Variants in MTUS1 observed in about 807,000 individuals in gnomAD.
The protein encoded by MTUS1 is microtubule associated scaffold protein 1, also known as microtubule-associated tumor suppressor 1.
A neutral mutation model predicts 120.8 loss-of-function variants in MTUS1; 109 were observed. The ratio of observed to expected loss-of-function variants is 0.90; its 90% CI spans 0.77 to 1.06. The LOEUF is 1.06. Ranked by LOEUF, MTUS1 falls within the 50% of genes least tolerant of loss-of-function variation. The pLI is 0.00. For synonymous variants in MTUS1, 737 were observed against 550.5 expected, an observed-to-expected ratio of 1.34 and a Z score of -4.74; for missense variants, 2,210 against 1,486.3, an observed-to-expected ratio of 1.49 and a Z score of -8.01.
At chr8:17,789,420 G>T (rs190513310) in intron 1 of MTUS1, among the ~76,000 whole-genome samples, 29 of 152,184 alleles carry the variant, frequency 1.9e-4, no homozygotes, top group African/African-American at 7.0e-4. Context: ...GGTAGATCGC[G>T]TGGGCAGGGC....
At chr8:17,719,192 C>G (rs1298454634) in intron 4 of MTUS1, among the ~76,000 whole-genome samples, 2 of 152,112 alleles carry the variant, frequency 1.3e-5, no homozygotes, top group African/African-American at 4.8e-5. Flanking sequence ...AAGGGCTTCT[C>G]ATTGTTTCAG....
At chr8:17,768,019 C>T (rs1386821496) in intron 1 of MTUS1, among the ~76,000 whole-genome samples, 5 of 152,206 alleles carry the variant, frequency 3.3e-5, no homozygotes, top group African/African-American at 1.2e-4. Flanking sequence ...CTGCTGTGTC[C>T]TCTGCCCTGA....
intron 1 of MTUS1, among the ~76,000 whole-genome samples, chr8:17,785,367 G>A (rs1450546757): frequency 6.6e-6 from 1 of 152,190 alleles, no homozygotes; most frequent in Non-Finnish European, 1.5e-5. Context: ...AGAAGATAAA[G>A]CTTGAGCTGA....
intron 6 of MTUS1, chr8:17,693,302 T>G (rs971623287): frequency 2.2e-4 from 34 of 152,210 alleles, no homozygotes; most frequent in African/African-American, 8.0e-4. Context: ...TTTTCATCTG[T>G]GCCTAATGTC....
At chr8:17,681,290 T>A (rs999942079) in intron 7 of MTUS1, among the ~76,000 whole-genome samples, 1 of 152,126 alleles carries the variant, frequency 6.6e-6, no homozygotes, top group Admixed American at 6.5e-5. Flanking sequence ...TAAATGCAAG[T>A]GGTGATGTGA....
In MTUS1 at chr8:17,723,736, C is replaced by T; in HGVS notation, c.2385G>A (p.Arg795=). ...SKASLKSPAL[R]RTGSTPSIAS... ...CTATTGAGGGGGTGCTTCCTGTCCT[C>T]CGCAGCGCAGGACTTTTCAAAGATG... Residue 795 remains arginine, a synonymous_variant, in exon 4 of 15, where the codon CGG becomes CGA. Coordinates refer to ENST00000693296, the MANE Select transcript of MTUS1 (RefSeq NM_001363059.2). The T allele has an allele frequency of 6.2e-7, 1 of 1,610,490 alleles. No homozygotes were observed. Among genetic ancestry groups the T allele is most frequent in the Non-Finnish European group, 8.5e-7 (1 of 1,177,454 alleles).
At chr8:17,682,012 C>A (rs977319053) in intron 7 of MTUS1, among the ~76,000 whole-genome samples, 3 of 152,122 alleles carry the variant, frequency 2.0e-5, no homozygotes, top group African/African-American at 7.2e-5. Flanking sequence ...TGTACACTTA[C>A]CACACATCTC....
intron 8 of MTUS1, among the ~76,000 whole-genome samples, chr8:17,656,671 G>A (rs975739711): frequency 6.6e-6 from 1 of 151,208 alleles, no homozygotes; most frequent in African/African-American, 2.4e-5. Flanking sequence ...GTCAAGAAAA[G>A]AGCCTTGGCC....
chr8:17,667,562 G>A (rs1317180344), intron 8 of MTUS1, among the ~76,000 whole-genome samples: 2 of 152,148 alleles, frequency 1.3e-5, no homozygotes, highest in South Asian at 4.1e-4. Flanking sequence ...ACTGTTTTTT[G>A]CAAGTTACTT....
intron 14 of MTUS1, 30 bp from the exon 15 acceptor site, chr8:17,646,169 T>C: frequency 2.9e-5 from 40 of 1,388,536 alleles, no homozygotes; most frequent in Non-Finnish European, 3.7e-5. Context: ...AACCATGAGA[T>C]CTATGTAAAA....
rs1229958659 is a variant in MTUS1 at position 17,743,920 on chromosome 8, C to T, written c.2092-121G>A. The T allele has an allele frequency of 5.2e-6, 4 of 776,328 alleles. No homozygotes were observed. The African/African-American group carries it at 5.2e-5, about 10-fold the overall frequency. 48.1% of individuals were successfully genotyped at this position (776,328 alleles called of 1,614,324 possible). A position where few individuals can be genotyped will look rare whatever the true frequency, so the allele number is the denominator to read the frequency against. On this transcript the variant is annotated intron_variant, in intron 2 of 14. Coordinates refer to ENST00000693296, the MANE Select transcript of MTUS1 (RefSeq NM_001363059.2). ...AAGAAACCTAAAAAACAAGTTCAGG[C>T]CATGATGGCAAAGAGGTCAGACATG...
At chr8:17,691,762 C>T (rs1398077351) in intron 6 of MTUS1, among the ~76,000 whole-genome samples, 1 of 151,774 alleles carries the variant, frequency 6.6e-6, no homozygotes, top group East Asian at 1.9e-4. Context: ...TTTTGTAGTA[C>T]GAAAAACACA....
intron 10 of MTUS1, 68 bp from the exon 11 acceptor site, chr8:17,653,566 A>C: frequency 8.8e-7 from 1 of 1,136,464 alleles, no homozygotes; most frequent in Non-Finnish European, 1.3e-6. Flanking sequence ...TAAAACAGTT[A>C]AAGCATATAG....
intron 1 of MTUS1, among the ~76,000 whole-genome samples, chr8:17,789,483 G>A (rs1247992327): frequency 6.6e-6 from 1 of 152,166 alleles, no homozygotes; most frequent in Non-Finnish European, 1.5e-5. Flanking sequence ...AAATGACCAT[G>A]AACATTTCCT....
At chr8:17,653,315 C>T (rs1178396624) in intron 11 of MTUS1, 34 bp from the exon 12 acceptor site, 1 of 1,490,608 alleles carries the variant, frequency 6.7e-7, no homozygotes, top group Non-Finnish European at 9.1e-7. Context: ...CTTAAGTTAA[C>T]AAGAAAACCC....
chr8:17,698,697 G>C (rs1422295289), intron 6 of MTUS1, among the ~76,000 whole-genome samples: 1 of 152,110 alleles, frequency 6.6e-6, no homozygotes, highest in East Asian at 1.9e-4. Context: ...GGGAGGAAGA[G>C]AAAATTTAAA....
chr8:17,646,587 CA>C (rs1420410020), intron 14 of MTUS1, among the ~76,000 whole-genome samples: 1 of 151,884 alleles, frequency 6.6e-6, no homozygotes, highest in Non-Finnish European at 1.5e-5. Flanking sequence ...GACCTCATCT[CA>C]AAAAAATATA....
At chr8:17,679,945 T>G (rs1813997164) in intron 7 of MTUS1, among the ~76,000 whole-genome samples, 1 of 152,248 alleles carries the variant, frequency 6.6e-6, no homozygotes, top group Non-Finnish European at 1.5e-5. Context: ...CGTTCATATG[T>G]TCACTCACAT....
At chr8:17,674,526 A>G (rs993169459) in intron 8 of MTUS1, 4 of 985,784 alleles carry the variant, frequency 4.1e-6, no homozygotes, top group Non-Finnish European at 4.8e-6. Flanking sequence ...TGGAACTAAA[A>G]TAACAGCGTA....
Sources: gnomAD v4.1 joint callset for allele counts (sites outside exome capture counted in the v4.1 genomes callset) on GRCh38, gnomAD v4.1.1 for gene constraint, MANE v1.5 for transcripts, NCBI Gene and HGNC (gene_info 2026-07-23, HGNC 2026-07-21) for gene names.